The following C9orf153 variants were observed in gnomAD, a reference collection of about 807,000 sequenced individuals.
C9orf153 encodes chromosome 9 open reading frame 153, also known as uncharacterized protein C9orf153.
In C9orf153, 10 loss-of-function variants were observed where a neutral mutation model predicts 9.0. That is an observed-to-expected ratio of 1.11 (90% CI 0.69 to 1.89). The LOEUF (loss-of-function observed/expected upper bound fraction) is 1.89, where lower values mean the gene tolerates loss of function less well. Ranked by LOEUF, C9orf153 falls within the 40% of genes most tolerant of loss-of-function variation. The pLI is 0.00. For missense variants in C9orf153, 108 were observed against 111.0 expected, an observed-to-expected ratio of 0.97 and a Z score of 0.12; for synonymous variants, 35 against 37.3, an observed-to-expected ratio of 0.94 and a Z score of 0.23.
Position 86,228,018 on chromosome 9 carries a change from A to G in C9orf153, c.79T>C (p.Tyr27His), listed in dbSNP as rs201840223. The change falls in exon 3 of 4, where the codon TAT becomes CAT. Residue 27 changes from tyrosine to histidine, a missense_variant. Tyr to His is a moderately conservative substitution (Grantham distance 83). Coordinates refer to ENST00000339137, the MANE Select transcript of C9orf153 (RefSeq NM_001276366.4). ...TLPQCSLPELYACIENFNKES... is the reference protein window; with the variant it reads ...TLPQCSLPELHACIENFNKES... The stretch of plus-strand genomic sequence containing the variant: ...TTATTAAAATTCTCAATACATGCAT[A>G]TAATTCTGGAAGCTGTGGACAAAAA... 34 of 1,601,980 alleles carry G rather than the reference A, an allele frequency of 2.1e-5. No homozygotes were observed. The African/African-American group carries it at 4.2e-4, about 20-fold the overall frequency.
At chr9:86,226,489 T>C (rs1165391647) in intron 3 of C9orf153, among the ~76,000 whole-genome samples, 1 of 152,034 alleles carries the variant, frequency 6.6e-6, no homozygotes, top group Non-Finnish European at 1.5e-5. Context: ...ACCTGGCTAA[T>C]TTTTAAAATT....
intron 3 of C9orf153, 27 bp downstream of exon 3, chr9:86,227,828 T>C: frequency 6.3e-7 from 1 of 1,589,816 alleles, no homozygotes; most frequent in African/African-American, 1.4e-5. Flanking sequence ...CATGGATGCT[T>C]GCTTCTCTTT....
intron 1 of C9orf153, among the ~76,000 whole-genome samples, chr9:86,250,169 G>C (rs934942519): frequency 6.6e-6 from 1 of 152,196 alleles, no homozygotes; most frequent in South Asian, 2.1e-4. Flanking sequence ...GTCCAAGTGT[G>C]TTGACAGACT....
At chr9:86,248,678 G>A (rs1374329209) in intron 1 of C9orf153, among the ~76,000 whole-genome samples, 1 of 152,028 alleles carries the variant, frequency 6.6e-6, no homozygotes, top group East Asian at 1.9e-4. Flanking sequence ...TGCTGGGCCT[G>A]GCACTCCCCC....
intron 1 of C9orf153, among the ~76,000 whole-genome samples, chr9:86,257,897 G>A (rs1224690367): frequency 6.6e-6 from 1 of 152,202 alleles, no homozygotes; most frequent in African/African-American, 2.4e-5. Flanking sequence ...GGAATGAGCG[G>A]TGTGGGCAGC....
Position 86,227,291 on chromosome 9 carries a change from C to T in C9orf153, c.242+564G>A, listed in dbSNP as rs202203722. ...CCTCTCGGGTAGCCGAGATTACAGG[C>T]ACATGCCACCAAGCTCAGCTAATTT... On this transcript the variant is annotated intron_variant, in intron 3 of 3. Transcript: ENST00000339137. 2.2e-5 allele frequency: 31 copies of T among 1,420,252 alleles called. No individual in the cohort carries two copies. The East Asian group carries it at 7.8e-4, about 36-fold the overall frequency. The allele number at this position is 1,420,252 out of a possible 1,614,324, so 88.0% of individuals were successfully genotyped here. A position where few individuals can be genotyped will look rare whatever the true frequency, so the allele number is the denominator to read the frequency against.
chr9:86,240,204 C>CA, intron 1 of C9orf153, among the ~76,000 whole-genome samples: 1 of 152,198 alleles, frequency 6.6e-6, no homozygotes, highest in East Asian at 1.9e-4. Flanking sequence ...AATTGAAACA[C>CA]AGACAAGGTA....
At chr9:86,249,557 T>C (rs993033343) in intron 1 of C9orf153, among the ~76,000 whole-genome samples, 21 of 151,650 alleles carry the variant, frequency 1.4e-4, no homozygotes, top group Admixed American at 6.6e-5. Context: ...CCTTTTTTTT[T>C]TTTTTTTTTG....
At chr9:86,253,232 A>G (rs917683188) in intron 1 of C9orf153, among the ~76,000 whole-genome samples, 6 of 152,362 alleles carry the variant, frequency 3.9e-5, no homozygotes, top group African/African-American at 1.4e-4. Flanking sequence ...TTTGGATATG[A>G]GCAGACTGCT....
At chr9:86,224,450 C>T (rs909740717) in intron 3 of C9orf153, among the ~76,000 whole-genome samples, 2 of 151,810 alleles carry the variant, frequency 1.3e-5, no homozygotes, top group Non-Finnish European at 2.9e-5. Context: ...GGAATAAATT[C>T]TGGTGTTCTA....
chr9:86,245,031 A>AT (rs1206793845), intron 1 of C9orf153, among the ~76,000 whole-genome samples: 1 of 152,046 alleles, frequency 6.6e-6, no homozygotes, highest in Non-Finnish European at 1.5e-5. Flanking sequence ...GGTTCAAGGG[A>AT]TTTTCCTGCC....
intron 1 of C9orf153, among the ~76,000 whole-genome samples, chr9:86,250,967 C>T (rs1824981932): frequency 6.6e-6 from 1 of 152,292 alleles, no homozygotes; most frequent in South Asian, 2.1e-4. Context: ...AGTCATAGCT[C>T]ATAGCAGCCT....
intron 1 of C9orf153, among the ~76,000 whole-genome samples, chr9:86,233,025 G>A (rs1019853241): frequency 3.3e-5 from 5 of 151,994 alleles, no homozygotes; most frequent in South Asian, 4.2e-4. Context: ...GCACCATTGC[G>A]CCCGGCCCCT....
At chr9:86,253,680 A>C (rs904775441) in intron 1 of C9orf153, among the ~76,000 whole-genome samples, 2 of 152,204 alleles carry the variant, frequency 1.3e-5, no homozygotes, top group African/African-American at 4.8e-5. Context: ...CTAAAGCCTT[A>C]AAGTCTTGCG....
At chr9:86,227,304 G>A in intron 3 of C9orf153, 2 of 1,430,184 alleles carry the variant, frequency 1.4e-6, no homozygotes, top group East Asian at 2.7e-5. Flanking sequence ...ATGCCACCAA[G>A]CTCAGCTAAT....
intron 1 of C9orf153, among the ~76,000 whole-genome samples, chr9:86,231,191 G>A (rs1824460841): frequency 6.6e-6 from 1 of 152,118 alleles, no homozygotes; most frequent in South Asian, 2.1e-4. Flanking sequence ...ATCCCAGATG[G>A]AGAAGAACTA....
At chr9:86,252,843 C>G (rs906112287) in intron 1 of C9orf153, among the ~76,000 whole-genome samples, 1 of 152,180 alleles carries the variant, frequency 6.6e-6, no homozygotes, top group Non-Finnish European at 1.5e-5. Context: ...ACAAATCTTA[C>G]AGATTCATGA....
At chr9:86,229,271 A>AG (rs1205707236) in intron 2 of C9orf153, among the ~76,000 whole-genome samples, 1 of 151,728 alleles carries the variant, frequency 6.6e-6, no homozygotes, top group Admixed American at 6.6e-5. Context: ...AAAAAAAAAA[A>AG]AAAGAAAGTG....
intron 1 of C9orf153, among the ~76,000 whole-genome samples, chr9:86,240,673 C>T (rs188208644): frequency 1.3e-5 from 2 of 150,212 alleles, no homozygotes; most frequent in East Asian, 3.9e-4. Flanking sequence ...CCACCGCAAC[C>T]GCACTAATTT....
Sources: gnomAD v4.1 joint callset for allele counts (sites outside exome capture counted in the v4.1 genomes callset) on GRCh38, gnomAD v4.1.1 for gene constraint, MANE v1.5 for transcripts, NCBI Gene and HGNC (gene_info 2026-07-23, HGNC 2026-07-21) for gene names.